Variants in DRC9 observed in about 807,000 individuals in gnomAD.
DRC9 encodes dynein regulatory complex protein 9.
the DRC9 span, among the ~76,000 whole-genome samples, chr3:197,928,388 G>A: frequency 4.4e-5 from 6 of 137,468 alleles, no homozygotes; most frequent in African/African-American, 1.1e-4. Context: ...TTGTTGTGTC[G>A]CCCAGCCTAG....
At chr3:197,937,784 A>AT in the DRC9 span, among the ~76,000 whole-genome samples, 1 of 151,706 alleles carries the variant, frequency 6.6e-6, no homozygotes, top group African/African-American at 2.4e-5. Context: ...GCCCATTCTC[A>AT]TTTTTAATAA....
the DRC9 span, among the ~76,000 whole-genome samples, chr3:197,941,249 C>G: frequency 3.9e-5 from 5 of 127,812 alleles, no homozygotes; most frequent in African/African-American, 1.5e-4. Context: ...TCCCTGCCCT[C>G]CCTTCCCCCT....
chr3:197,944,560 T>G, the DRC9 span, among the ~76,000 whole-genome samples: 2 of 152,156 alleles, frequency 1.3e-5, no homozygotes, highest in Admixed American at 1.3e-4. Context: ...ACCATTCTCC[T>G]GCCTCAGCCT....
At chr3:197,903,574 C>T in the DRC9 span, among the ~76,000 whole-genome samples, 3 of 152,048 alleles carry the variant, frequency 2.0e-5, no homozygotes, top group Non-Finnish European at 4.4e-5. Flanking sequence ...AGGCGGAGGT[C>T]GCAGTGAGCC....
At chr3:197,907,514 C>T in the DRC9 span, among the ~76,000 whole-genome samples, 59 of 152,358 alleles carry the variant, frequency 3.9e-4, no homozygotes, top group African/African-American at 1.4e-3. Flanking sequence ...TTGGATCTAA[C>T]ACTCTTAGAA....
the DRC9 span, chr3:197,944,002 T>A: frequency 6.2e-7 from 1 of 1,614,170 alleles, no homozygotes; most frequent in Non-Finnish European, 8.5e-7. Flanking sequence ...GACACCGTCA[T>A]CTCAGAATGC....
chr3:197,944,289 G>A, the DRC9 span, among the ~76,000 whole-genome samples: 5 of 145,354 alleles, frequency 3.4e-5, no homozygotes, highest in South Asian at 2.2e-4. Context: ...ATGGAGTTTC[G>A]CTCTTGTTGC....
At chr3:197,897,332 T>C in the DRC9 span, among the ~76,000 whole-genome samples, 2 of 152,136 alleles carry the variant, frequency 1.3e-5, no homozygotes, top group Non-Finnish European at 2.9e-5. Flanking sequence ...CAAATATAAT[T>C]AAGAGAGACA....
chr3:197,947,025 GGTCTC>G, the DRC9 span, among the ~76,000 whole-genome samples: 2 of 152,082 alleles, frequency 1.3e-5, no homozygotes, highest in Non-Finnish European at 2.9e-5. Flanking sequence ...TGGCCAGGCT[GGTCTC>G]GAACTCTTGA....
At chr3:197,925,459 G>A in the DRC9 span, among the ~76,000 whole-genome samples, 5 of 151,076 alleles carry the variant, frequency 3.3e-5, no homozygotes, top group Admixed American at 1.3e-4. Context: ...GGAGGGTGGG[G>A]GTGTATGTGG....
chr3:197,906,671 A>G, the DRC9 span: 3 of 152,200 alleles, frequency 2.0e-5, no homozygotes, highest in Non-Finnish European at 4.4e-5. Context: ...CACTCTGTAA[A>G]TAGCACAGGT....
the DRC9 span, among the ~76,000 whole-genome samples, chr3:197,893,624 A>G: frequency 6.6e-6 from 1 of 151,698 alleles, no homozygotes; most frequent in Non-Finnish European, 1.5e-5. Flanking sequence ...TGGGCAGATC[A>G]CAGAGTCAGG....
chr3:197,938,841 G>T, the DRC9 span: 1 of 1,160,344 alleles, frequency 8.6e-7, no homozygotes, highest in East Asian at 2.3e-5. Context: ...ACAAGAAAGA[G>T]GCCTTTGTGT....
At chr3:197,955,162 A>AC in the DRC9 span, among the ~76,000 whole-genome samples, 1 of 152,114 alleles carries the variant, frequency 6.6e-6, no homozygotes, top group Admixed American at 6.5e-5. Flanking sequence ...GCCAGGGGGT[A>AC]CTGTTGAACC....
At chr3:197,944,902 A>G in the DRC9 span, among the ~76,000 whole-genome samples, 1 of 152,226 alleles carries the variant, frequency 6.6e-6, no homozygotes. Flanking sequence ...AAAGGTATGT[A>G]GTTCATGCAA....
chr3:197,902,337 C>T, the DRC9 span, among the ~76,000 whole-genome samples: 4 of 152,086 alleles, frequency 2.6e-5, no homozygotes, highest in Non-Finnish European at 5.9e-5. Flanking sequence ...GCATCAAGAC[C>T]ATTCAGGAAA....
chr3:197,927,660 C>T, the DRC9 span, among the ~76,000 whole-genome samples: 6 of 152,068 alleles, frequency 3.9e-5, no homozygotes, highest in African/African-American at 1.2e-4. Flanking sequence ...GAGTACTTTC[C>T]GTCTACTATT....
the DRC9 span, among the ~76,000 whole-genome samples, chr3:197,921,609 G>A: frequency 2.5e-3 from 373 of 151,648 alleles, 3 homozygotes; most frequent in Non-Finnish European, 4.4e-3. Context: ...ATTTAACCTG[G>A]TTTCATCTTG....
At chr3:197,895,737 A>G in the DRC9 span, among the ~76,000 whole-genome samples, 2 of 152,016 alleles carry the variant, frequency 1.3e-5, no homozygotes, top group African/African-American at 4.8e-5. Context: ...GCACTTTGGG[A>G]GGCCGAGCAG....
Sources: allele counts gnomAD v4.1 joint callset (sites outside exome capture counted in the v4.1 genomes callset), GRCh38; gene constraint gnomAD v4.1.1; transcripts MANE v1.5; gene names NCBI Gene and HGNC (gene_info 2026-07-23, HGNC 2026-07-21).